CDH13: variants seen among roughly 807,000 people sequenced by gnomAD.
CDH13 encodes cadherin-13.
A neutral mutation model predicts 63.8 loss-of-function variants in CDH13; 24 were observed. The observed-to-expected ratio is 0.38, with a 90% CI of 0.27 to 0.53. The LOEUF (loss-of-function observed/expected upper bound fraction) is 0.53. Ranked by LOEUF, CDH13 falls within the 20% of genes least tolerant of loss-of-function variation. The probability of loss-of-function intolerance (pLI) is 0.85; values close to 1 mark genes in which losing one functional copy is unlikely to be tolerated. For missense variants in CDH13, 1,049 were observed against 903.1 expected (o/e 1.16, Z -2.07); for synonymous variants, 503 against 355.3 (o/e 1.42, Z -4.67).
chr16:83,222,672 C>T (rs1478189575), intron 5 of CDH13, among the ~76,000 whole-genome samples: 1 of 151,986 alleles, frequency 6.6e-6, no homozygotes, highest in Non-Finnish European at 1.5e-5. Flanking sequence ...TGGTCTCCCC[C>T]ATTGCTACCT....
At chr16:83,211,767 A>G (rs915277087) in intron 4 of CDH13, among the ~76,000 whole-genome samples, 7 of 151,064 alleles carry the variant, frequency 4.6e-5, no homozygotes, top group African/African-American at 1.7e-4. Context: ...TCCCCCCCCC[A>G]AACAGCCAGC....
chr16:82,753,374 G>A (rs895030717), intron 1 of CDH13, among the ~76,000 whole-genome samples: 6 of 151,888 alleles, frequency 4.0e-5, no homozygotes, highest in African/African-American at 1.2e-4. Flanking sequence ...CTCTTCTCTG[G>A]CTCTTCCCCT....
At chr16:83,141,300 C>T (rs866498626) in intron 4 of CDH13, among the ~76,000 whole-genome samples, 1 of 152,146 alleles carries the variant, frequency 6.6e-6, no homozygotes, top group African/African-American at 2.4e-5. Flanking sequence ...TTTGCCTACA[C>T]CCAGTATTCT....
At chr16:83,216,442 ATACAC>A (rs1278931140) in intron 4 of CDH13, among the ~76,000 whole-genome samples, 3 of 123,842 alleles carry the variant, frequency 2.4e-5, no homozygotes, top group Non-Finnish European at 3.4e-5. Context: ...ATATATATAT[ATACAC>A]AACCCTAATT....
intron 1 of CDH13, among the ~76,000 whole-genome samples, chr16:82,791,277 GGA>G (rs1405676411): frequency 6.6e-6 from 1 of 151,438 alleles, no homozygotes; most frequent in African/African-American, 2.4e-5. Context: ...GCCTAGCTGG[GGA>G]AGGTGACCAC....
intron 1 of CDH13, among the ~76,000 whole-genome samples, chr16:82,676,959 C>G (rs887659553): frequency 2.8e-4 from 43 of 152,332 alleles, no homozygotes; most frequent in Admixed American, 2.2e-3. Flanking sequence ...GCTCAGCTCG[C>G]TGCAACCTCC....
intron 3 of CDH13, among the ~76,000 whole-genome samples, chr16:83,094,653 C>T (rs904468223): frequency 6.6e-6 from 1 of 152,176 alleles, no homozygotes; most frequent in Non-Finnish European, 1.5e-5. Flanking sequence ...AGAATGAATG[C>T]TTCAGTTCCA....
chr16:83,285,591 G>C (rs1436490437), intron 5 of CDH13, among the ~76,000 whole-genome samples: 2 of 152,108 alleles, frequency 1.3e-5, no homozygotes, highest in East Asian at 1.9e-4. Flanking sequence ...CATTGTATTA[G>C]CTATCATATA....
intron 4 of CDH13, among the ~76,000 whole-genome samples, chr16:83,216,105 T>C (rs2039499846): frequency 6.6e-6 from 1 of 151,848 alleles, no homozygotes; most frequent in Admixed American, 6.6e-5. Context: ...CTGCTGCCTT[T>C]GTCTGTGCTG....
At chr16:82,689,630 C>T (rs1272130495) in intron 1 of CDH13, among the ~76,000 whole-genome samples, 3 of 151,944 alleles carry the variant, frequency 2.0e-5, no homozygotes, top group Non-Finnish European at 4.4e-5. Flanking sequence ...TGTTTGATGC[C>T]CTAATGTTTA....
intron 9 of CDH13, among the ~76,000 whole-genome samples, chr16:83,675,530 T>G (rs1914883219): frequency 6.6e-6 from 1 of 152,190 alleles, no homozygotes; most frequent in Non-Finnish European, 1.5e-5. Flanking sequence ...TTGCAGCTCT[T>G]GCTTCCCCAC....
At chr16:83,312,802 A>G (rs1370287716) in intron 5 of CDH13, among the ~76,000 whole-genome samples, 1 of 152,210 alleles carries the variant, frequency 6.6e-6, no homozygotes, top group Non-Finnish European at 1.5e-5. Context: ...GCAAATCTCC[A>G]TGCAAAAGTC....
chr16:82,970,938 T>G (rs1274526955), intron 2 of CDH13, among the ~76,000 whole-genome samples: 1 of 152,198 alleles, frequency 6.6e-6, no homozygotes, highest in East Asian at 1.9e-4. Context: ...ATTTAAAATA[T>G]TTGTTGAATG....
chr16:82,797,075 C>A (rs937315592), intron 1 of CDH13, among the ~76,000 whole-genome samples: 5 of 152,334 alleles, frequency 3.3e-5, no homozygotes, highest in Middle Eastern at 3.4e-3. Context: ...TATTCCTCAT[C>A]ATTCTAAAAT....
Position 83,050,425 on chromosome 16 carries a change from T to C in CDH13, c.366+18207T>C, listed in dbSNP as rs1433258208. 3.3e-5 allele frequency among the ~76,000 whole-genome samples: 5 copies of C among 152,190 alleles called. No homozygotes were observed. In the East Asian group the frequency reaches 7.7e-4, roughly 23 times the overall value. ...ATTCCCAGCAGAGCATTGGCAGTCCTTGAAATGCTCTTCCGTTTGCTGTTT... is the reference window on the plus strand; with the variant it reads ...ATTCCCAGCAGAGCATTGGCAGTCCCTGAAATGCTCTTCCGTTTGCTGTTT... On this transcript the variant is annotated intron_variant, in intron 3 of 13. Coordinates refer to ENST00000567109, the MANE Select transcript of CDH13 (RefSeq NM_001257.5).
intron 8 of CDH13, among the ~76,000 whole-genome samples, chr16:83,633,160 T>C (rs1382192099): frequency 6.6e-6 from 1 of 151,820 alleles, no homozygotes. Context: ...TGTGCTGACC[T>C]CCTATCTCAT....
At chr16:83,236,519 A>G (rs1007733192) in intron 5 of CDH13, among the ~76,000 whole-genome samples, 1 of 152,212 alleles carries the variant, frequency 6.6e-6, no homozygotes, top group Non-Finnish European at 1.5e-5. Context: ...AACCCTAAGG[A>G]AGTTATCAGC....
chr16:83,609,837 G>A (rs940069385), intron 8 of CDH13, among the ~76,000 whole-genome samples: 4 of 151,890 alleles, frequency 2.6e-5, no homozygotes, highest in South Asian at 2.1e-4. Context: ...CATTTTCATC[G>A]TCCCAAAAAG....
chr16:83,670,194 T>A (rs1914377264), intron 8 of CDH13, among the ~76,000 whole-genome samples: 1 of 152,200 alleles, frequency 6.6e-6, no homozygotes, highest in South Asian at 2.1e-4. Context: ...AAAATAGCAG[T>A]ATCTAGCAGA....
Sources: allele counts gnomAD v4.1 joint callset (sites outside exome capture counted in the v4.1 genomes callset), GRCh38; gene constraint gnomAD v4.1.1; transcripts MANE v1.5; gene names NCBI Gene and HGNC (gene_info 2026-07-23, HGNC 2026-07-21).